Variants in DLGAP2 observed in about 807,000 individuals in gnomAD.
The protein encoded by DLGAP2 is DLG associated protein 2.
Under a neutral mutation model 100.3 loss-of-function variants are expected in DLGAP2, and 26 were observed. The ratio of observed to expected loss-of-function variants is 0.26; its 90% CI spans 0.19 to 0.36. The LOEUF (loss-of-function observed/expected upper bound fraction) is 0.36, where lower values mean the gene tolerates loss of function less well. DLGAP2 is among the 10% of genes least tolerant of loss of function. DLGAP2 has a pLI of 1.00. For missense variants in DLGAP2, 1,858 were observed against 1,453.2 expected, an observed-to-expected ratio of 1.28 and a Z score of -4.53; for synonymous variants, 886 against 630.1, an observed-to-expected ratio of 1.41 and a Z score of -6.08.
chr8:1,350,044 A>T (rs760181), intron 3 of DLGAP2, among the ~76,000 whole-genome samples: 3,150 of 152,174 alleles, frequency 0.021, 119 homozygotes, highest in African/African-American at 0.073. Context: ...TGATGACTTT[A>T]ATATAGAAAC....
At chr8:1,107,359 C>T (rs1179711115) in intron 2 of DLGAP2, among the ~76,000 whole-genome samples, 2 of 152,178 alleles carry the variant, frequency 1.3e-5, no homozygotes, top group South Asian at 2.1e-4. Context: ...TTGCTGAGCC[C>T]CCGCACCCGG....
intron 3 of DLGAP2, among the ~76,000 whole-genome samples, chr8:1,390,055 T>C (rs950249249): frequency 2.6e-5 from 4 of 152,180 alleles, no homozygotes; most frequent in African/African-American, 9.7e-5. Context: ...CAGGAAAAAC[T>C]TAACAGGCTG....
At chr8:824,596 G>C (rs1796651622) in intron 1 of DLGAP2, among the ~76,000 whole-genome samples, 1 of 150,544 alleles carries the variant, frequency 6.6e-6, no homozygotes, top group South Asian at 2.1e-4. Flanking sequence ...CCCCAGTCCT[G>C]GCTCCGGGAG....
At chr8:1,364,040 C>T (rs1012816922) in intron 3 of DLGAP2, among the ~76,000 whole-genome samples, 3 of 152,148 alleles carry the variant, frequency 2.0e-5, no homozygotes, top group African/African-American at 7.2e-5. Context: ...TCATGGAACC[C>T]CATATGGGGG....
rs116950631 is a variant in DLGAP2 at position 1,505,749 on chromosome 8, T to C, written c.172+4318T>C. 3.1e-4 allele frequency among the ~76,000 whole-genome samples: 47 copies of C among 152,318 alleles called. No individual in the cohort carries two copies. In the East Asian group the frequency reaches 8.9e-3, roughly 29 times the overall value. On this transcript the variant is annotated intron_variant, in intron 4 of 14. Transcript: ENST00000637795. ...GGGAAGACCTTCAGACACACTAGAATTAAATTGCTCTCTTAATAACTTTTG... is the reference window on the plus strand; with the variant it reads ...GGGAAGACCTTCAGACACACTAGAACTAAATTGCTCTCTTAATAACTTTTG...
At chr8:1,065,962 C>T (rs924179425) in intron 2 of DLGAP2, among the ~76,000 whole-genome samples, 4 of 152,218 alleles carry the variant, frequency 2.6e-5, no homozygotes, top group Non-Finnish European at 5.9e-5. Flanking sequence ...GAGACACTGC[C>T]GAGCTGGACA....
intron 2 of DLGAP2, among the ~76,000 whole-genome samples, chr8:1,186,307 A>G (rs1272974922): frequency 6.6e-6 from 1 of 152,260 alleles, no homozygotes; most frequent in Non-Finnish European, 1.5e-5. Flanking sequence ...CGTACTCACC[A>G]TTAAGGCAGT....
At chr8:1,433,995 G>A (rs1171084729) in intron 3 of DLGAP2, among the ~76,000 whole-genome samples, 1 of 152,094 alleles carries the variant, frequency 6.6e-6, no homozygotes, top group Non-Finnish European at 1.5e-5. Context: ...AGAAAGAAGG[G>A]ACTTGGGCAT....
chr8:797,182 A>G (rs917760488), intron 1 of DLGAP2, among the ~76,000 whole-genome samples: 3 of 152,216 alleles, frequency 2.0e-5, no homozygotes, highest in African/African-American at 4.8e-5. Flanking sequence ...ACGTCCCGTC[A>G]TCTCCGAAAG....
At chr8:1,196,825 C>G (rs1252787466) in intron 2 of DLGAP2, among the ~76,000 whole-genome samples, 5 of 152,138 alleles carry the variant, frequency 3.3e-5, no homozygotes, top group Non-Finnish European at 7.3e-5. Context: ...GCTCATCACA[C>G]ATACACCAGG....
intron 3 of DLGAP2, among the ~76,000 whole-genome samples, chr8:1,328,782 G>T (rs1450382873): frequency 6.6e-6 from 1 of 152,172 alleles, no homozygotes; most frequent in South Asian, 2.1e-4. Flanking sequence ...CGGAAATGTC[G>T]GGATGCCGCT....
intron 10 of DLGAP2, among the ~76,000 whole-genome samples, 161 bp downstream of exon 10, chr8:1,669,945 G>A (rs117845827): frequency 6.6e-6 from 1 of 152,172 alleles, no homozygotes; most frequent in Non-Finnish European, 1.5e-5. Context: ...GAGGACAAGG[G>A]GCTCACCAGG....
At chr8:1,298,746 C>A (rs1486364952) in intron 3 of DLGAP2, among the ~76,000 whole-genome samples, 1 of 152,222 alleles carries the variant, frequency 6.6e-6, no homozygotes, top group Non-Finnish European at 1.5e-5. Flanking sequence ...GCAAGACAAT[C>A]CCTTATAAAA....
chr8:1,267,623 T>TAAAATAACATA (rs57138660), intron 3 of DLGAP2, among the ~76,000 whole-genome samples: 1 of 76,626 alleles, frequency 1.3e-5, no homozygotes, highest in African/African-American at 6.6e-5. Context: ...TAAGATAAGA[T>TAAAATAACATA]AAATATTAAA....
intron 4 of DLGAP2, among the ~76,000 whole-genome samples, chr8:1,534,781 T>TGC (rs1253988749): frequency 1.6e-5 from 1 of 63,554 alleles, no homozygotes; most frequent in Non-Finnish European, 2.6e-5. Flanking sequence ...AGTGCACGTG[T>TGC]ACGTGTGTGA....
At chr8:1,040,524 C>CCGTGGTCGGCTCGGTGTG (rs1213023126) in intron 2 of DLGAP2, among the ~76,000 whole-genome samples, 1 of 111,128 alleles carries the variant, frequency 9.0e-6, no homozygotes, top group South Asian at 3.2e-4. Context: ...GGCTCGGTTT[C>CCGTGGTCGGCTCGGTGTG]CGTGGTCGGC....
chr8:825,713 T>C (rs1380111780), intron 1 of DLGAP2, among the ~76,000 whole-genome samples: 1 of 152,206 alleles, frequency 6.6e-6, no homozygotes, highest in African/African-American at 2.4e-5. Context: ...TTAATTATTG[T>C]GGGTTCATAT....
At chr8:1,527,041 G>T (rs1800818594) in intron 4 of DLGAP2, among the ~76,000 whole-genome samples, 1 of 152,098 alleles carries the variant, frequency 6.6e-6, no homozygotes, top group Non-Finnish European at 1.5e-5. Context: ...ACGTTCACAT[G>T]CCCTATCCAA....
rs1472705468 is a variant in DLGAP2, at chr8:1,678,593, G to C, written c.2668G>C (p.Glu890Gln). Residue 890 changes from glutamate to glutamine, a missense_variant, in exon 12 of 15, where the codon GAG (glutamate) becomes CAG (glutamine). Transcript: ENST00000637795. ...GATGGAAGGCTGGTGCAAAGAGATG[G>C]AGAGAGAGGCGGAGGAGAACGACCT... ...KRMEGWCKEM[E>Q]REAEENDLSE... 5 of 1,574,724 alleles carry C rather than the reference G, an allele frequency of 3.2e-6. No homozygotes were observed. The highest frequency in any genetic ancestry group is 2.3e-5 in the South Asian group (2 of 85,600).
Sources: gnomAD v4.1 joint callset for allele counts (sites outside exome capture counted in the v4.1 genomes callset) on GRCh38, gnomAD v4.1.1 for gene constraint, MANE v1.5 for transcripts, NCBI Gene and HGNC (gene_info 2026-07-23, HGNC 2026-07-21) for gene names.